The following TENM2 variants were observed in gnomAD, a reference collection of about 807,000 sequenced individuals.
TENM2 encodes the protein teneurin-2.
A neutral mutation model predicts 245.2 loss-of-function variants in TENM2; 52 were observed. The observed-to-expected ratio is 0.21, with a 90% CI of 0.17 to 0.27. TENM2 has a LOEUF of 0.27. TENM2 is among the 10% of genes least tolerant of loss of function. The pLI is 1.00. For synonymous variants in TENM2, 1,363 were observed against 1,438.9 expected (o/e 0.95, Z 1.19); for missense variants, 3,046 against 3,666.8 (o/e 0.83, Z 4.37).
At chr5:168,022,232 C>G (rs943399486) in intron 5 of TENM2, among the ~76,000 whole-genome samples, 1 of 152,224 alleles carries the variant, frequency 6.6e-6, no homozygotes, top group African/African-American at 2.4e-5. Context: ...GCCGGGAGCT[C>G]CGCTCCTCTG....
intron 1 of TENM2, among the ~76,000 whole-genome samples, chr5:167,325,006 G>C (rs1757000411): frequency 6.6e-6 from 1 of 152,116 alleles, no homozygotes. Flanking sequence ...CTGGGTATTA[G>C]TTATGGTGAT....
intron 19 of TENM2, among the ~76,000 whole-genome samples, chr5:168,211,113 G>A (rs1162173956): frequency 6.6e-6 from 1 of 152,192 alleles, no homozygotes; most frequent in African/African-American, 2.4e-5. Context: ...CAAGTTAAAA[G>A]GAGACAATGA....
intron 3 of TENM2, among the ~76,000 whole-genome samples, chr5:167,912,504 A>C (rs1348552610): frequency 1.3e-5 from 2 of 152,158 alleles, no homozygotes; most frequent in African/African-American, 2.4e-5. Flanking sequence ...CATAGTAGTC[A>C]CTCAGTCGAC....
chr5:167,793,557 A>G (rs1229307831), intron 2 of TENM2, among the ~76,000 whole-genome samples: 2 of 152,162 alleles, frequency 1.3e-5, no homozygotes, highest in African/African-American at 4.8e-5. Flanking sequence ...TCAAGAGGCC[A>G]GGTGCAGTGG....
chr5:167,025,776 C>T, the TENM2 span, among the ~76,000 whole-genome samples: 1 of 152,112 alleles, frequency 6.6e-6, no homozygotes, highest in Non-Finnish European at 1.5e-5. Context: ...GTAATATTAC[C>T]ACATTACCAT....
intron 7 of TENM2, among the ~76,000 whole-genome samples, chr5:168,085,023 A>C (rs913932341): frequency 1.3e-5 from 2 of 152,196 alleles, no homozygotes; most frequent in Non-Finnish European, 2.9e-5. Flanking sequence ...AAAATTGTTA[A>C]AACTCATGCA....
At chr5:167,816,965 G>C (rs1190842830) in intron 2 of TENM2, among the ~76,000 whole-genome samples, 2 of 152,190 alleles carry the variant, frequency 1.3e-5, no homozygotes, top group Non-Finnish European at 2.9e-5. Context: ...ACTCGTATTA[G>C]AAAGTGATTA....
chr5:167,881,837 T>C lies in TENM2; in HGVS notation c.712+5642T>C, dbSNP rs1388778088. Among the ~76,000 whole-genome samples the C allele has an allele frequency of 2.6e-5, 4 of 152,318 alleles. No individual in the cohort carries two copies. The East Asian group carries it at 7.7e-4, about 29-fold the overall frequency. On this transcript the variant is annotated intron_variant, in intron 3 of 28. Transcript: ENST00000518659. ...GCAGAGCCACACAGGACTTGGGCTA[T>C]CAGCTCATGGCCCTTTTTCTCCCTC...
the TENM2 span, among the ~76,000 whole-genome samples, chr5:167,193,980 C>T: frequency 9.2e-5 from 14 of 151,786 alleles, no homozygotes; most frequent in African/African-American, 2.4e-5. Context: ...GCACTTTGCC[C>T]GAGATTACTG....
At chr5:168,031,525 A>C (rs1209421424) in intron 5 of TENM2, among the ~76,000 whole-genome samples, 1 of 152,146 alleles carries the variant, frequency 6.6e-6, no homozygotes, top group Admixed American at 6.5e-5. Context: ...ATTTCATTGA[A>C]TGTGGCAACC....
chr5:167,624,804 G>A (rs552565670), intron 2 of TENM2, among the ~76,000 whole-genome samples: 7 of 152,246 alleles, frequency 4.6e-5, no homozygotes, highest in African/African-American at 1.4e-4. Flanking sequence ...TTCATAACAA[G>A]AAGAGTTGTT....
At chr5:168,134,644 G>A (rs781012014) in intron 12 of TENM2, among the ~76,000 whole-genome samples, 26 of 152,088 alleles carry the variant, frequency 1.7e-4, no homozygotes, top group African/African-American at 5.6e-4. Flanking sequence ...CCGAGATTGC[G>A]CCATTGCACT....
chr5:167,273,754 A>G, the TENM2 span, among the ~76,000 whole-genome samples: 72 of 152,270 alleles, frequency 4.7e-4, no homozygotes, highest in African/African-American at 1.7e-3. Flanking sequence ...GCCTCGCTAT[A>G]CAATTGAAAG....
At chr5:167,378,512 C>A (rs1760905816) in intron 2 of TENM2, among the ~76,000 whole-genome samples, 1 of 151,322 alleles carries the variant, frequency 6.6e-6, no homozygotes, top group South Asian at 2.1e-4. Context: ...TTCATGTTAT[C>A]TTTTCAGGTT....
At chr5:167,092,611 C>G in the TENM2 span, among the ~76,000 whole-genome samples, 1 of 152,232 alleles carries the variant, frequency 6.6e-6, no homozygotes, top group African/African-American at 2.4e-5. Context: ...TGCAGGTACT[C>G]TTATTATCCC....
chr5:168,088,901 G>A (rs553416170), intron 7 of TENM2, among the ~76,000 whole-genome samples: 9 of 152,244 alleles, frequency 5.9e-5, no homozygotes, highest in African/African-American at 2.2e-4. Context: ...TGTGAAGTTC[G>A]TAAAAGGGGT....
At chr5:167,584,419 A>T (rs891161665) in intron 2 of TENM2, among the ~76,000 whole-genome samples, 6 of 152,102 alleles carry the variant, frequency 3.9e-5, no homozygotes, top group African/African-American at 1.4e-4. Flanking sequence ...TGAAGTTACA[A>T]AGTTACACTC....
At chr5:167,142,061 C>A in the TENM2 span, among the ~76,000 whole-genome samples, 1 of 152,056 alleles carries the variant, frequency 6.6e-6, no homozygotes, top group African/African-American at 2.4e-5. Flanking sequence ...GCCTACAGTT[C>A]TTTACATACT....
chr5:167,229,070 T>C, the TENM2 span, among the ~76,000 whole-genome samples: 1 of 152,218 alleles, frequency 6.6e-6, no homozygotes, highest in Non-Finnish European at 1.5e-5. Flanking sequence ...GTTGTGTTCA[T>C]TGGGTATGTC....
Sources: gnomAD v4.1 joint callset for allele counts (sites outside exome capture counted in the v4.1 genomes callset) on GRCh38, gnomAD v4.1.1 for gene constraint, MANE v1.5 for transcripts, NCBI Gene and HGNC (gene_info 2026-07-23, HGNC 2026-07-21) for gene names.